CNOT7: variants seen among roughly 807,000 people sequenced by gnomAD.
The protein encoded by CNOT7 is BTG1-binding factor 1.
CNOT7 carries 4 observed loss-of-function variants against 37.1 expected under a neutral mutation model. That is an observed-to-expected ratio of 0.11 (90% CI 0.05 to 0.25). CNOT7 has a LOEUF of 0.25. Ranked by LOEUF, CNOT7 falls within the 10% of genes least tolerant of loss-of-function variation. CNOT7 has a pLI of 1.00. For synonymous variants in CNOT7, 128 were observed against 115.6 expected, an observed-to-expected ratio of 1.11 and a Z score of -0.69; for missense variants, 170 against 336.2, an observed-to-expected ratio of 0.51 and a Z score of 3.87.
Position 17,226,074 on chromosome 8 carries a change from A to G in CNOT7, c.*4646T>C, listed in dbSNP as rs552676272. ...TTTTTTTGAAAAGGGCAGGTAGCAA[A>G]TATTAGAGGCTTTGCAAGCTAAGAC... On this transcript the variant is annotated 3_prime_UTR_variant, in exon 7 of 7. Coordinates refer to ENST00000361272, the MANE Select transcript of CNOT7 (RefSeq NM_013354.7). 1 of 128,598 alleles carries G rather than the reference A, an allele frequency of 7.8e-6. No individual in the cohort carries two copies. Among genetic ancestry groups the G allele is most frequent in the Non-Finnish European group, 1.6e-5 (1 of 62,198 alleles). 8.0% of individuals were successfully genotyped at this position (128,598 alleles called of 1,614,324 possible).
intron 4 of CNOT7, among the ~76,000 whole-genome samples, chr8:17,235,146 C>G (rs542453846): frequency 1.3e-5 from 2 of 152,198 alleles, no homozygotes; most frequent in South Asian, 2.1e-4. Flanking sequence ...TTGTTGATAT[C>G]TGAATAGAGA....
intron 4 of CNOT7, among the ~76,000 whole-genome samples, chr8:17,235,871 A>C (rs942623887): frequency 6.6e-6 from 1 of 152,234 alleles, no homozygotes; most frequent in African/African-American, 2.4e-5. Context: ...AACTCCAAGA[A>C]GACATGAATG....
rs757863026 is a variant in CNOT7, at chr8:17,237,377, G to A, written c.312-4C>T. 10 of 1,612,632 alleles carry A rather than the reference G, an allele frequency of 6.2e-6. No individual in the cohort carries two copies. Among genetic ancestry groups the A allele is most frequent in the South Asian group, 1.1e-5 (1 of 90,990 alleles). On this transcript the variant is annotated splice_region_variant and splice_polypyrimidine_tract_variant and intron_variant, in intron 3 of 6. Transcript: ENST00000361272. ...GTCCTGGGCATACATGTCCTCCCTGGCAGAAGAAAGAGAAAGACAACATTC... is the reference window on the plus strand; with the variant it reads ...GTCCTGGGCATACATGTCCTCCCTGACAGAAGAAAGAGAAAGACAACATTC...
intron 3 of CNOT7, chr8:17,242,217 A>G (rs1810275634): frequency 6.6e-6 from 1 of 152,194 alleles, no homozygotes; most frequent in Admixed American, 6.5e-5. Context: ...TTTATTTTTT[A>G]TGAAGGTTAC....
rs61036000 is a variant in CNOT7 at position 17,226,029 on chromosome 8, C to CTTTTTTTTTTTTTTTTTTTTTTT, written c.*4668_*4690dup. 4 of 58,720 alleles carry CTTTTTTTTTTTTTTTTTTTTTTT rather than the reference C, an allele frequency of 6.8e-5. 1 individual carries two copies. Among genetic ancestry groups the CTTTTTTTTTTTTTTTTTTTTTTT allele is most frequent in the African/African-American group, 1.3e-4 (2 of 15,082 alleles). 3.6% of individuals were successfully genotyped at this position (58,720 alleles called of 1,614,324 possible). A position where few individuals can be genotyped will look rare whatever the true frequency, so the allele number is the denominator to read the frequency against. Reference sequence around the variant, plus strand: ...TCTTCTAGTAGAGAGGTGGACAAGCCTTTTTTTTTTTTTTTTTTTTTTTTT... The same window carrying CTTTTTTTTTTTTTTTTTTTTTTT: ...TCTTCTAGTAGAGAGGTGGACAAGCCTTTTTTTTTTTTTTTTTTTTTTTTTTTTTTTTTTTTTTTTTTTTTTTT... On this transcript the variant is annotated 3_prime_UTR_variant, in exon 7 of 7. Coordinates refer to ENST00000361272, the MANE Select transcript of CNOT7 (RefSeq NM_013354.7).
intron 3 of CNOT7, chr8:17,242,535 T>A (rs1208994515): frequency 6.5e-6 from 1 of 153,342 alleles, no homozygotes; most frequent in Admixed American, 6.5e-5. Flanking sequence ...AACCTAATGA[T>A]AATACTGACT....
chr8:17,230,823 T>C lies in CNOT7; in HGVS notation c.755A>G (p.Asp252Gly), dbSNP rs775016646. The change falls in exon 7 of 7, where the codon GAT (aspartate) becomes GGT (glycine). Residue 252 changes from aspartate to glycine, a missense_variant. By Grantham distance (94) the Asp-to-Gly change is moderately conservative. Coordinates refer to ENST00000361272, the MANE Select transcript of CNOT7 (RefSeq NM_013354.7). ...ATACAAATGACCACAATATTTGGCA[T>C]CATCAATATGATCTTCAAAGAACAT... ...REMFFEDHID[D>G]AKYCGHLYGL... 1 of 1,604,324 alleles carries C rather than the reference T, an allele frequency of 6.2e-7. No homozygotes were observed. The highest frequency in any genetic ancestry group is 8.5e-7 in the Non-Finnish European group (1 of 1,173,296).
At position 17,234,502 on chromosome 8, in the gene CNOT7, A is replaced by T. The variant is rs1809073636; in HGVS notation, c.618+214T>A. On this transcript the variant is annotated intron_variant, in intron 5 of 6. Transcript: ENST00000361272. ...GACCTAAGCCTGAAATGTGTTGAAA[A>T]TTCTGCCTTCTGCCAAGACATACTG... is the stretch of plus-strand genomic sequence containing the variant. 3 of 517,520 alleles carry T rather than the reference A, an allele frequency of 5.8e-6. 1 individual carries two copies. In the East Asian group the frequency reaches 1.0e-4, roughly 18 times the overall value. The allele number at this position is 517,520 out of a possible 1,614,324, so 32.1% of individuals were successfully genotyped here.
rs144557767 is a variant in CNOT7 at position 17,235,033 on chromosome 8, A to G, written c.474-173T>C. 6.6e-5 allele frequency among the ~76,000 whole-genome samples: 10 copies of G among 152,296 alleles called. No individual in the cohort carries two copies. In the East Asian group the frequency reaches 1.9e-3, roughly 29 times the overall value. On this transcript the variant is annotated intron_variant, in intron 4 of 6. Coordinates refer to ENST00000361272, the MANE Select transcript of CNOT7 (RefSeq NM_013354.7). ...CAAACATATTGAGAACTATGAGAAA[A>G]TGTCGTCATCTTACAGTATTAAGAA... is the stretch of plus-strand genomic sequence containing the variant.
At chr8:17,232,229 T>A (rs1347954880) in intron 6 of CNOT7, 198 bp downstream of exon 6, 10 of 1,411,888 alleles carry the variant, frequency 7.1e-6, no homozygotes, top group Non-Finnish European at 9.2e-6. Context: ...GATGAACATG[T>A]TCTCCCAGTT....
intron 3 of CNOT7, 128 bp downstream of exon 3, chr8:17,242,864 C>T (rs1158289612): frequency 9.6e-6 from 5 of 519,190 alleles, no homozygotes; most frequent in Non-Finnish European, 6.6e-6. Context: ...TGAAATGTTA[C>T]GTTTTATATA....
At position 17,229,398 on chromosome 8, in the gene CNOT7, A is replaced by T. The variant is rs1009835771; in HGVS notation, c.*1322T>A. 1 of 152,310 alleles carries T rather than the reference A, an allele frequency of 6.6e-6. No individual in the cohort carries two copies. The highest frequency in any genetic ancestry group is 6.6e-5 in the Admixed American group (1 of 15,234). 9.4% of individuals were successfully genotyped at this position (152,310 alleles called of 1,614,324 possible). On this transcript the variant is annotated 3_prime_UTR_variant, in exon 7 of 7. Coordinates refer to ENST00000361272, the MANE Select transcript of CNOT7 (RefSeq NM_013354.7). ...AAACCAATGTGACTAACATTTGGAG[A>T]TTTGCTAATATTACTGATTGAAGTG...
rs1808199064 is a variant in CNOT7, at chr8:17,226,951, C to CTA, written c.*3768_*3769insTA. ...AAAAAATAAAAATAAATCTTTAGCA[C>CTA]TGCTAAGCCATTGAACGCCTGTGTG... is the stretch of plus-strand genomic sequence containing the variant. On this transcript the variant is annotated 3_prime_UTR_variant, in exon 7 of 7. Transcript: ENST00000361272. The CTA allele has an allele frequency of 6.6e-6, 1 of 151,474 alleles. No homozygotes were observed. The highest frequency in any genetic ancestry group is 2.4e-5 in the African/African-American group (1 of 41,322). 9.4% of individuals were successfully genotyped at this position (151,474 alleles called of 1,614,324 possible).
chr8:17,236,471 T>G (rs926671545), intron 4 of CNOT7, among the ~76,000 whole-genome samples: 2 of 152,214 alleles, frequency 1.3e-5, no homozygotes, highest in African/African-American at 4.8e-5. Flanking sequence ...CCAGAAACAC[T>G]CTTAAATAAT....
At chr8:17,234,673 C>T (rs1231826762) in intron 5 of CNOT7, 43 bp downstream of exon 5, 3 of 1,607,302 alleles carry the variant, frequency 1.9e-6, no homozygotes, top group Middle Eastern at 1.6e-4. Flanking sequence ...GTCACTTGGT[C>T]TGAACAGTGT....
At position 17,240,317 on chromosome 8, in the gene CNOT7, A is replaced by G. The variant is rs924327426; in HGVS notation, c.311+2675T>C. Among the ~76,000 whole-genome samples, 7 of 152,112 alleles carry G rather than the reference A, an allele frequency of 4.6e-5. No homozygotes were observed. In the East Asian group the frequency reaches 5.8e-4, roughly 13 times the overall value. On this transcript the variant is annotated intron_variant, in intron 3 of 6. Coordinates refer to ENST00000361272, the MANE Select transcript of CNOT7 (RefSeq NM_013354.7). Reference sequence around the variant, plus strand: ...CCGGCATGGCTGTGAATGTAGCCCAATACAAATTTGTCAACTTTCTTAAAA... The same window carrying G: ...CCGGCATGGCTGTGAATGTAGCCCAGTACAAATTTGTCAACTTTCTTAAAA...
Position 17,237,311 on chromosome 8 carries a change from T to G in CNOT7, c.374A>C (p.Lys125Thr), listed in dbSNP as rs1294944378. Residue 125 changes from lysine to threonine, a missense_variant, in exon 4 of 7, where the codon AAA (lysine) becomes ACA (threonine). Lys to Thr is a moderately conservative substitution (Grantham distance 78). Around this residue, in one of 6 missense-constraint regions of CNOT7, gnomAD observed 68 missense variants for 151.1 expected, o/e 0.45. Transcript: ENST00000361272. ...LLTTSGIQFKKHEEEGIETQY... is the reference protein window; with the variant it reads ...LLTTSGIQFKTHEEEGIETQY... Reference sequence around the variant, plus strand: ...GGTTTCAATTCCTTCCTCCTCATGTTTTTTAAACTGGATACCAGATGTTGT... The same window carrying G: ...GGTTTCAATTCCTTCCTCCTCATGTGTTTTAAACTGGATACCAGATGTTGT... The G allele has an allele frequency of 1.2e-6, 2 of 1,613,978 alleles. No individual in the cohort carries two copies. The highest frequency in any genetic ancestry group is 2.2e-5 in the East Asian group (1 of 44,866).
At chr8:17,244,952 A>T in intron 2 of CNOT7, 84 bp downstream of exon 2, 1 of 1,136,272 alleles carries the variant, frequency 8.8e-7, no homozygotes, top group Non-Finnish European at 1.3e-6. Flanking sequence ...TAAAAATATC[A>T]ACCAAAAGGG....
At chr8:17,240,477 T>C (rs1256190592) in intron 3 of CNOT7, among the ~76,000 whole-genome samples, 1 of 152,158 alleles carries the variant, frequency 6.6e-6, no homozygotes, top group Non-Finnish European at 1.5e-5. Flanking sequence ...GTGTAAATGG[T>C]AGCAAAACTT....
Sources: gnomAD v4.1 joint callset for allele counts (sites outside exome capture counted in the v4.1 genomes callset) on GRCh38, gnomAD v4.1.1 for gene constraint, gnomAD v4.1.1 regional missense constraint, MANE v1.5 for transcripts, NCBI Gene and HGNC (gene_info 2026-07-23, HGNC 2026-07-21) for gene names.